Variants in SEMA3A observed in about 807,000 individuals in gnomAD.
SEMA3A encodes semaphorin 3A, also known as semaphorin-3A.
In SEMA3A, 29 loss-of-function variants were observed where a neutral mutation model predicts 97.9. The ratio of observed to expected loss-of-function variants is 0.30; its 90% CI spans 0.22 to 0.40. The LOEUF (loss-of-function observed/expected upper bound fraction) is 0.40, where lower values mean the gene tolerates loss of function less well. SEMA3A is among the 10% of genes least tolerant of loss of function. The pLI, the probability that SEMA3A is intolerant of heterozygous loss-of-function variation, is 1.00. For missense variants in SEMA3A, 763 were observed against 951.3 expected (o/e 0.80, Z 2.60); for synonymous variants, 321 against 323.7 (o/e 0.99, Z 0.09).
chr7:84,129,103 T>C lies in SEMA3A; in HGVS notation c.333+20A>G. The C allele has an allele frequency of 6.3e-7, 1 of 1,578,512 alleles. No individual in the cohort carries two copies. Among genetic ancestry groups the C allele is most frequent in the Non-Finnish European group, 8.7e-7 (1 of 1,147,690 alleles). On this transcript the variant is annotated intron_variant, in intron 3 of 16. Transcript: ENST00000265362. Reference sequence around the variant, plus strand: ...GAAGGATACTCAACCTGTATAATAATTTAGTAGGTTAATGCTTACCAGGAT... The same window carrying C: ...GAAGGATACTCAACCTGTATAATAACTTAGTAGGTTAATGCTTACCAGGAT...
intron 6 of SEMA3A, 133 bp downstream of exon 6, chr7:84,046,191 T>C (rs1792340624): frequency 2.1e-6 from 2 of 971,908 alleles, no homozygotes; most frequent in Admixed American, 2.6e-5. Flanking sequence ...ACACCCACCA[T>C]CATGAAGTCA....
chr7:84,470,608 A>C (rs1426234886), intron 1 of SEMA3A, among the ~76,000 whole-genome samples: 1 of 152,124 alleles, frequency 6.6e-6, no homozygotes, highest in African/African-American at 2.4e-5. Flanking sequence ...TGATGCTAAA[A>C]AAGTAAGGCT....
intron 4 of SEMA3A, among the ~76,000 whole-genome samples, chr7:84,067,190 A>G (rs1793544302): frequency 6.6e-6 from 1 of 152,214 alleles, no homozygotes; most frequent in Non-Finnish European, 1.5e-5. Flanking sequence ...CTTATTTAAT[A>G]AATGGTGCTG....
chr7:84,126,234 C>G (rs183727861), intron 3 of SEMA3A, among the ~76,000 whole-genome samples: 87 of 152,156 alleles, frequency 5.7e-4, no homozygotes, highest in Admixed American at 1.5e-3. Context: ...GAAACAGAGT[C>G]TCACTCTGTC....
chr7:84,430,212 T>C (rs1049984922), intron 1 of SEMA3A, among the ~76,000 whole-genome samples: 1 of 151,996 alleles, frequency 6.6e-6, no homozygotes, highest in Non-Finnish European at 1.5e-5. Flanking sequence ...TTATGACACA[T>C]GTTCAGAATA....
intron 2 of SEMA3A, among the ~76,000 whole-genome samples, chr7:84,371,229 T>C (rs1802966799): frequency 6.6e-6 from 1 of 151,772 alleles, no homozygotes; most frequent in South Asian, 2.1e-4. Flanking sequence ...TGCCTTTCTG[T>C]ACCAGCACGT....
chr7:84,371,994 C>T (rs1432564363), intron 1 of SEMA3A: 1 of 152,028 alleles, frequency 6.6e-6, no homozygotes, highest in African/African-American at 2.4e-5. Context: ...CAAAAAAGCA[C>T]ACTTCTGTCC....
chr7:84,270,754 T>G (rs1034738678), intron 3 of SEMA3A, among the ~76,000 whole-genome samples: 7 of 151,216 alleles, frequency 4.6e-5, no homozygotes, highest in African/African-American at 1.7e-4. Context: ...TAGGAATAAG[T>G]GTTATTGGTT....
chr7:84,418,934 C>A (rs1352747716), intron 1 of SEMA3A, among the ~76,000 whole-genome samples: 1 of 150,318 alleles, frequency 6.7e-6, no homozygotes, highest in Non-Finnish European at 1.5e-5. Flanking sequence ...TATATATATA[C>A]ATATATCTAC....
chr7:84,483,532 T>A (rs1234511104), intron 1 of SEMA3A, among the ~76,000 whole-genome samples: 1 of 152,178 alleles, frequency 6.6e-6, no homozygotes, highest in African/African-American at 2.4e-5. Context: ...TTGCCACATT[T>A]TGACCTTGCC....
chr7:84,316,706 A>G (rs992253977), intron 2 of SEMA3A, among the ~76,000 whole-genome samples: 2 of 152,146 alleles, frequency 1.3e-5, no homozygotes, highest in Non-Finnish European at 2.9e-5. Flanking sequence ...TTTATCTTCC[A>G]TAATCACATT....
intron 3 of SEMA3A, among the ~76,000 whole-genome samples, chr7:84,221,496 G>A (rs987907936): frequency 6.6e-6 from 1 of 152,052 alleles, no homozygotes; most frequent in Admixed American, 6.6e-5. Flanking sequence ...TTGTCACTAA[G>A]CAAAATCATT....
chr7:84,359,955 G>C (rs1802670308), intron 2 of SEMA3A, among the ~76,000 whole-genome samples: 2 of 150,508 alleles, frequency 1.3e-5, no homozygotes, highest in Admixed American at 6.7e-5. Context: ...TCTGATGGTA[G>C]TTTGTATTTC....
chr7:83,981,498 C>T lies in SEMA3A; in HGVS notation c.1495-20G>A. On this transcript the variant is annotated intron_variant, in intron 13 of 16. Transcript: ENST00000265362. ...TTGTTGCTGTGGAAAGAGTTTACTG[C>T]TGTGACAAAAACTATCTTGTCTTTT... 6.4e-7 allele frequency: 1 copy of T among 1,554,488 alleles called. No homozygotes were observed. The highest frequency in any genetic ancestry group is 8.7e-7 in the Non-Finnish European group (1 of 1,150,970).
intron 9 of SEMA3A, among the ~76,000 whole-genome samples, chr7:84,008,023 T>G (rs974498907): frequency 6.6e-6 from 1 of 151,894 alleles, no homozygotes; most frequent in Non-Finnish European, 1.5e-5. Context: ...TTGATTCTTG[T>G]GAAGACACTT....
In SEMA3A at chr7:84,080,718, C is replaced by T. The variant is rs1291359031; in HGVS notation, c.454-20160G>A. 1.1e-4 allele frequency among the ~76,000 whole-genome samples: 2 copies of T among 18,160 alleles called. 1 individual carries two copies. The highest frequency in any genetic ancestry group is 6.2e-4 in the African/African-American group (2 of 3,252). The allele number at this position is 18,160 out of a possible 152,430, so 11.9% of individuals were successfully genotyped here. On this transcript the variant is annotated intron_variant, in intron 4 of 16. Transcript: ENST00000265362. ...TCCCAAGTAGCTGGGACTACAGGCG[C>T]CCGCCACTACGCCCGGCTAATTTTT...
intron 4 of SEMA3A, among the ~76,000 whole-genome samples, chr7:84,062,836 C>T (rs560995673): frequency 4.9e-5 from 7 of 142,306 alleles, no homozygotes; most frequent in East Asian, 4.3e-4. Flanking sequence ...CGCAGCGAGG[C>T]GGGGGGAGGG....
At chr7:83,965,410 G>T in intron 15 of SEMA3A, among the ~76,000 whole-genome samples, 1 of 151,002 alleles carries the variant, frequency 6.6e-6, no homozygotes, top group Non-Finnish European at 1.5e-5. Flanking sequence ...TGTCTCCTAG[G>T]TCTATTTTCC....
intron 6 of SEMA3A, among the ~76,000 whole-genome samples, chr7:84,028,028 C>T (rs372304595): frequency 2.1e-4 from 32 of 152,236 alleles, no homozygotes; most frequent in African/African-American, 7.5e-4. Context: ...GAAGACATAT[C>T]ATTATTAATC....
Sources: gnomAD v4.1 joint callset for allele counts (sites outside exome capture counted in the v4.1 genomes callset) on GRCh38, gnomAD v4.1.1 for gene constraint, MANE v1.5 for transcripts, NCBI Gene and HGNC (gene_info 2026-07-23, HGNC 2026-07-21) for gene names.